Variants in TASOR observed in about 807,000 individuals in gnomAD.
The protein encoded by TASOR is protein TASOR.
In TASOR, 53 loss-of-function variants were observed where a neutral mutation model predicts 178.6. The ratio of observed to expected loss-of-function variants is 0.30; its 90% CI spans 0.24 to 0.37. The LOEUF (loss-of-function observed/expected upper bound fraction) is 0.37, where lower values mean the gene tolerates loss of function less well. Ranked by LOEUF, TASOR falls within the 10% of genes least tolerant of loss-of-function variation. TASOR has a pLI of 1.00. For missense variants in TASOR, 1,815 were observed against 1,971.4 expected (o/e 0.92, Z 1.50); for synonymous variants, 713 against 696.2 (o/e 1.02, Z -0.38).
At chr3:56,652,300 CT>C in intron 11 of TASOR, among the ~76,000 whole-genome samples, 1 of 152,052 alleles carries the variant, frequency 6.6e-6, no homozygotes, top group East Asian at 1.9e-4. Flanking sequence ...GCTAAAATGG[CT>C]GGGCACGGTG....
chr3:56,673,038 T>A, intron 2 of TASOR, among the ~76,000 whole-genome samples: 1 of 151,990 alleles, frequency 6.6e-6, no homozygotes, highest in East Asian at 1.9e-4. Context: ...CTCAAACCCC[T>A]GGCCTCAAGC....
intron 16 of TASOR, among the ~76,000 whole-genome samples, chr3:56,639,167 A>G (rs896809154): frequency 1.3e-5 from 2 of 152,226 alleles, no homozygotes; most frequent in African/African-American, 4.8e-5. Flanking sequence ...AATTCTTCTC[A>G]GAGTCCTCGG....
At chr3:56,649,625 T>C (rs904622383) in intron 11 of TASOR, among the ~76,000 whole-genome samples, 2 of 152,144 alleles carry the variant, frequency 1.3e-5, no homozygotes, top group African/African-American at 4.8e-5. Context: ...AGTACCACAA[T>C]AAATACCAGT....
chr3:56,628,776 T>G (rs1490732744), intron 18 of TASOR, 162 bp from the exon 19 acceptor site: 1 of 492,784 alleles, frequency 2.0e-6, no homozygotes, highest in Non-Finnish European at 3.5e-6. Flanking sequence ...TTTTTTTTTT[T>G]CTTTGAGACA....
At chr3:56,680,962 T>C (rs1358530178) in intron 1 of TASOR, among the ~76,000 whole-genome samples, 2 of 152,008 alleles carry the variant, frequency 1.3e-5, no homozygotes, top group African/African-American at 4.8e-5. Flanking sequence ...TACAACAATC[T>C]CTGGATTTTA....
At chr3:56,639,543 T>G (rs1170231383) in intron 16 of TASOR, among the ~76,000 whole-genome samples, 1 of 152,216 alleles carries the variant, frequency 6.6e-6, no homozygotes, top group Non-Finnish European at 1.5e-5. Flanking sequence ...TATTAAGAAA[T>G]CAAATTTCTA....
intron 23 of TASOR, chr3:56,623,815 C>T: frequency 6.4e-7 from 1 of 1,551,298 alleles, no homozygotes; most frequent in Non-Finnish European, 8.7e-7. Flanking sequence ...CAACTCCCAG[C>T]TCCAAAGGGG....
chr3:56,671,837 T>C (rs542182264), intron 2 of TASOR, 145 bp from the exon 3 acceptor site: 33 of 504,430 alleles, frequency 6.5e-5, no homozygotes, highest in Non-Finnish European at 9.8e-5. Context: ...TCCTTCAGTT[T>C]TTCCCCTATT....
At chr3:56,636,587 T>C (rs1348024149) in intron 17 of TASOR, among the ~76,000 whole-genome samples, 3 of 151,806 alleles carry the variant, frequency 2.0e-5, no homozygotes, top group Non-Finnish European at 4.4e-5. Flanking sequence ...TTATTTTTAG[T>C]AGACAGGGTT....
intron 1 of TASOR, among the ~76,000 whole-genome samples, chr3:56,676,291 C>G (rs901338648): frequency 5.9e-5 from 9 of 152,158 alleles, no homozygotes; most frequent in Non-Finnish European, 1.3e-4. Context: ...TATTCTACTA[C>G]TAAATGACTG....
rs1480942254 is a variant in TASOR at position 56,648,805 on chromosome 3, A to G, written c.1513+17T>C. ...AGTATCTATAAGTAACCAGATTTAG[A>G]TATTCAAAGAACTTACAAGTAACTA... On this transcript the variant is annotated intron_variant, in intron 13 of 23. Coordinates refer to ENST00000683822, the MANE Select transcript of TASOR (RefSeq NM_001365635.2). 11 of 1,565,404 alleles carry G rather than the reference A, an allele frequency of 7.0e-6. No individual in the cohort carries two copies. Among genetic ancestry groups the G allele is most frequent in the Non-Finnish European group, 9.6e-6 (11 of 1,143,302 alleles).
rs767154706 is a variant in TASOR at position 56,624,449 on chromosome 3, T to TA, written c.4483+29dup. On this transcript the variant is annotated intron_variant, in intron 23 of 23. Coordinates refer to ENST00000683822, the MANE Select transcript of TASOR (RefSeq NM_001365635.2). ...ACCATTCCTCTTTTTCTGTCTGCGT[T>TA]AAAGAAAATGAAAACCACTGAAAAG... is the stretch of plus-strand genomic sequence containing the variant. 3.7e-6 allele frequency: 6 copies of TA among 1,603,032 alleles called. No homozygotes were observed. In the Admixed American group the frequency reaches 8.7e-5, roughly 23 times the overall value.
rs1220403012 is a variant in TASOR at position 56,648,997 on chromosome 3, C to A, written c.1429G>T (p.Val477Phe). The change falls in exon 12 of 24, where the codon GTT becomes TTT. Residue 477 changes from valine to phenylalanine, a missense_variant. By Grantham distance (50) the Val-to-Phe change is conservative. Transcript: ENST00000683822. ...YLFLLSPYQM[V>F]PPYEYQTAKS... ...AGAGACCACCTACCATATGGAGGAA[C>A]CATCTGATAAGGGGAGAGAAGAAAA... 6.2e-7 allele frequency: 1 copy of A among 1,607,810 alleles called. No homozygotes were observed. The highest frequency in any genetic ancestry group is 2.2e-5 in the East Asian group (1 of 44,768).
chr3:56,649,970 A>C (rs1292537709), intron 11 of TASOR, among the ~76,000 whole-genome samples: 1 of 152,240 alleles, frequency 6.6e-6, no homozygotes, highest in Non-Finnish European at 1.5e-5. Flanking sequence ...ACCAGAAGCC[A>C]GGCTGGCCAG....
intron 11 of TASOR, among the ~76,000 whole-genome samples, chr3:56,655,582 C>A (rs2077452922): frequency 6.6e-6 from 1 of 152,034 alleles, no homozygotes; most frequent in African/African-American, 2.4e-5. Flanking sequence ...GCCTGGGCAA[C>A]ACAGTAAGAC....
chr3:56,625,638 ACT>A (rs1241841108), intron 21 of TASOR, among the ~76,000 whole-genome samples: 2 of 152,008 alleles, frequency 1.3e-5, no homozygotes, highest in Non-Finnish European at 2.9e-5. Context: ...CAAGAACGAA[ACT>A]CTGTCTTAAA....
At position 56,668,575 on chromosome 3, in the gene TASOR, C is replaced by A; in HGVS notation, c.736-17G>T. On this transcript the variant is annotated splice_polypyrimidine_tract_variant and intron_variant, in intron 5 of 23. Coordinates refer to ENST00000683822, the MANE Select transcript of TASOR (RefSeq NM_001365635.2). ...TATTTTACCCTAAAATAGAGAAAACCTTTTAAGTGTCTACCTAAACCTAAT... is the reference window on the plus strand; with the variant it reads ...TATTTTACCCTAAAATAGAGAAAACATTTTAAGTGTCTACCTAAACCTAAT... 6.6e-7 allele frequency: 1 copy of A among 1,510,874 alleles called. No homozygotes were observed. Among genetic ancestry groups the A allele is most frequent in the Non-Finnish European group, 8.9e-7 (1 of 1,122,738 alleles). The allele number at this position is 1,510,874 out of a possible 1,614,324, so 93.6% of individuals were successfully genotyped here. A position where few individuals can be genotyped will look rare whatever the true frequency, so the allele number is the denominator to read the frequency against.
rs563200039 is a variant in TASOR at position 56,673,610 on chromosome 3, G to C, written c.447C>G (p.Cys149Trp). Residue 149 changes from cysteine (C) to tryptophan (W), a missense_variant, in exon 2 of 24, where the codon TGC (cysteine) becomes TGG (tryptophan). By Grantham distance (215) the Cys-to-Trp change is radical. This residue lies in a region of TASOR where 244 missense variants were observed against 202.7 expected (regional missense o/e 1.20). Transcript: ENST00000683822. The part of the protein sequence containing the change: ...SVTNFNYRRA[C>W]LVHNELLEKE... ...TTTCCAAAAGCTCATTGTGTACCAA[G>C]CAAGCACGTCTGTAGTTAAAATTTG... 27 of 1,550,618 alleles carry C rather than the reference G, an allele frequency of 1.7e-5. No homozygotes were observed. The Admixed American group carries it at 3.9e-4, about 23-fold the overall frequency.
At position 56,646,848 on chromosome 3, in the gene TASOR, T is replaced by G; in HGVS notation, c.1889A>C (p.Gln630Pro). Reference sequence around the variant, plus strand: ...ATAATCTGAAAGTGGACTAAACTGCTGAAGTTTTCTATTTTCTTCAAATAG... The same window carrying G: ...ATAATCTGAAAGTGGACTAAACTGCGGAAGTTTTCTATTTTCTTCAAATAG... ...KELFEENRKL[Q>P]QFSPLSDYEG... Residue 630 changes from glutamine (Q) to proline (P), a missense_variant, in exon 14 of 24, where the codon CAG becomes CCG. Gln to Pro is a moderately conservative substitution (Grantham distance 76). Around this residue, in one of 5 missense-constraint regions of TASOR, gnomAD observed 504 missense variants for 645.3 expected, o/e 0.78. Coordinates refer to ENST00000683822, the MANE Select transcript of TASOR (RefSeq NM_001365635.2). 1 of 1,606,910 alleles carries G rather than the reference T, an allele frequency of 6.2e-7. No individual in the cohort carries two copies.
Sources: allele counts gnomAD v4.1 joint callset (sites outside exome capture counted in the v4.1 genomes callset), GRCh38; gene constraint gnomAD v4.1.1; regional missense constraint gnomAD v4.1.1; transcripts MANE v1.5; gene names NCBI Gene and HGNC (gene_info 2026-07-23, HGNC 2026-07-21).